Variants in MLPH observed in about 807,000 individuals in gnomAD.
MLPH encodes melanophilin.
A neutral mutation model predicts 72.1 loss-of-function variants in MLPH; 51 were observed. The ratio of observed to expected loss-of-function variants is 0.71; its 90% CI spans 0.56 to 0.89. The LOEUF is 0.89. Ranked by LOEUF, MLPH falls within the 40% of genes least tolerant of loss-of-function variation. MLPH has a pLI of 0.00. For missense variants in MLPH, 743 were observed against 759.9 expected, an observed-to-expected ratio of 0.98 and a Z score of 0.26; for synonymous variants, 301 against 310.1, an observed-to-expected ratio of 0.97 and a Z score of 0.31.
rs779636874 is a variant in MLPH, at chr2:237,510,781, C to T, written c.318C>T (p.Pro106=). The T allele has an allele frequency of 4.3e-6, 7 of 1,613,498 alleles. No homozygotes were observed. The highest frequency in any genetic ancestry group is 3.4e-4 in the Middle Eastern group (2 of 5,906). ...AGGAGCAGGGCTGGATCTGTGACCCCTGCCATCTGGCCAGGTGAGCCCAGG... is the reference window on the plus strand; with the variant it reads ...AGGAGCAGGGCTGGATCTGTGACCCTTGCCATCTGGCCAGGTGAGCCCAGG... ...HPEEQGWICD[P]CHLARVVKIG... is the part of the protein sequence containing the mutation. The change falls in exon 3 of 16, where the codon CCC becomes CCT. Residue 106 remains proline (P), a synonymous_variant. Coordinates refer to ENST00000264605, the MANE Select transcript of MLPH (RefSeq NM_024101.7). This position sits in a 1 kb window ranked among gnomAD's most constrained non-coding sequence, Gnocchi z 4.4.
At chr2:237,513,936 A>G (rs1346767142) in intron 4 of MLPH, among the ~76,000 whole-genome samples, 3 of 152,192 alleles carry the variant, frequency 2.0e-5, no homozygotes, top group Non-Finnish European at 2.9e-5. Flanking sequence ...CTGAAAAATC[A>G]TCTCGTAAAA....
intron 4 of MLPH, among the ~76,000 whole-genome samples, chr2:237,516,997 GTGGATGGATGGATGGATGGATGGA>G (rs4053461): frequency 3.8e-5 from 5 of 130,734 alleles, no homozygotes; most frequent in African/African-American, 9.3e-5. Context: ...TGGTAGGTGA[GTGGATGGATGGATGGATGGATGGA>G]TGGATGGATG....
At position 237,494,182 on chromosome 2, in the gene MLPH, G is replaced by C. The variant is rs530612073; in HGVS notation, c.110+646G>C. 2.0e-3 allele frequency among the ~76,000 whole-genome samples: 311 copies of C among 152,276 alleles called. 4 individuals are homozygous for C. Among genetic ancestry groups the C allele is most frequent in the African/African-American group, 6.7e-3 (280 of 41,546 alleles). On this transcript the variant is annotated intron_variant, in intron 2 of 15. Coordinates refer to ENST00000264605, the MANE Select transcript of MLPH (RefSeq NM_024101.7). ...AGCTGAGAGGATGCTCCCGGCGAAG[G>C]GGGGGGCAGAGAGCAGAGGACAGAG...
At chr2:237,542,903 T>G (rs1483254752) in intron 12 of MLPH, among the ~76,000 whole-genome samples, 1 of 18,146 alleles carries the variant, frequency 5.5e-5, no homozygotes, top group Non-Finnish European at 8.2e-5. Flanking sequence ...CAGTAGTGAG[T>G]GGGGGGACAG....
chr2:237,553,862 G>GACA lies in MLPH; in HGVS notation c.*272_*274dup, dbSNP rs2081085216. On this transcript the variant is annotated 3_prime_UTR_variant, in exon 16 of 16. Coordinates refer to ENST00000264605, the MANE Select transcript of MLPH (RefSeq NM_024101.7). ...CTAAGCTGCTGTGACTTCCCTTTAGGACAATGTTGTGTAAATCTTTGAAGG... is the reference window on the plus strand; with the variant it reads ...CTAAGCTGCTGTGACTTCCCTTTAGGACAACAATGTTGTGTAAATCTTTGAAGG... 1.6e-6 allele frequency: 1 copy of GACA among 644,290 alleles called. No homozygotes were observed. Among genetic ancestry groups the GACA allele is most frequent in the African/African-American group, 1.8e-5 (1 of 55,996 alleles). The allele number at this position is 644,290 out of a possible 1,614,324, so 39.9% of individuals were successfully genotyped here. A position where few individuals can be genotyped will look rare whatever the true frequency, so the allele number is the denominator to read the frequency against.
Position 237,540,869 on chromosome 2 carries a change from A to G in MLPH, c.1358A>G (p.Gln453Arg). The change falls in exon 11 of 16, where the codon CAG becomes CGG. Residue 453 changes from glutamine (Q) to arginine (R), a missense_variant. By Grantham distance (43) the Gln-to-Arg change is conservative. Coordinates refer to ENST00000264605, the MANE Select transcript of MLPH (RefSeq NM_024101.7). ...CCCCAGGACCCTGGGGACCCCGTCC[A>G]GTACAACAGGACCACAGATGAGGAG... Reference protein sequence around the residue: ...KSPQDPGDPVQYNRTTDEELS... With the variant: ...KSPQDPGDPVRYNRTTDEELS... The G allele has an allele frequency of 6.2e-7, 1 of 1,613,414 alleles. No individual in the cohort carries two copies. The highest frequency in any genetic ancestry group is 2.2e-5 in the East Asian group (1 of 44,872).
chr2:237,527,743 C>T, intron 8 of MLPH: 4 of 600,454 alleles, frequency 6.7e-6, no homozygotes, highest in East Asian at 3.1e-5. Flanking sequence ...AATTAAAAAT[C>T]GAGTTTCCAT....
rs1047107935 is a variant in MLPH at position 237,512,629 on chromosome 2, C to T, written c.445+1528C>T. Among the ~76,000 whole-genome samples, 13 of 152,136 alleles carry T rather than the reference C, an allele frequency of 8.5e-5. No individual in the cohort carries two copies. Among genetic ancestry groups the T allele is most frequent in the Admixed American group, 7.9e-4 (12 of 15,272 alleles). The stretch of plus-strand genomic sequence containing the variant: ...GCAGCAAATCCCACCTCCCCACACG[C>T]ACACGGCCAGCCTGGAGCCCACAGA... On this transcript the variant is annotated intron_variant, in intron 4 of 15. Transcript: ENST00000264605. This position sits in a 1 kb window ranked among gnomAD's most constrained non-coding sequence, Gnocchi z 5.5.
At chr2:237,524,744 A>G (rs2080265203) in intron 6 of MLPH, among the ~76,000 whole-genome samples, 1 of 151,886 alleles carries the variant, frequency 6.6e-6, no homozygotes, top group Non-Finnish European at 1.5e-5. Context: ...CAGGCAGTGA[A>G]GGTAACTATG....
intron 1 of MLPH, among the ~76,000 whole-genome samples, chr2:237,491,075 C>T (rs953307213): frequency 5.9e-5 from 9 of 152,198 alleles, no homozygotes; most frequent in Non-Finnish European, 1.2e-4. Flanking sequence ...GAAAATGTCC[C>T]TTTTCATAGT....
intron 15 of MLPH, 58 bp from the exon 16 acceptor site, chr2:237,553,507 TG>T (rs1286051798): frequency 4.7e-5 from 72 of 1,517,106 alleles, no homozygotes; most frequent in Non-Finnish European, 6.1e-5. Context: ...CATGTGTGTC[TG>T]TGTTACATGC....
At chr2:237,536,075 T>C (rs2080524860) in intron 9 of MLPH, among the ~76,000 whole-genome samples, 2 of 152,182 alleles carry the variant, frequency 1.3e-5, no homozygotes, top group Non-Finnish European at 2.9e-5. Context: ...GGACGCTCCT[T>C]GTAGCACCCT....
chr2:237,527,660 C>T, intron 8 of MLPH, 144 bp downstream of exon 8: 2 of 1,012,492 alleles, frequency 2.0e-6, no homozygotes, highest in Non-Finnish European at 2.9e-6. Flanking sequence ...GGAGATACGT[C>T]ATCACAATAT....
At chr2:237,545,342 C>T in intron 12 of MLPH, 1 of 862,716 alleles carries the variant, frequency 1.2e-6, no homozygotes, top group Non-Finnish European at 1.6e-6. Context: ...GATCCTGGGC[C>T]CCCCACCTCC....
intron 12 of MLPH, chr2:237,545,584 C>T (rs144228529): frequency 3.3e-5 from 43 of 1,287,688 alleles, no homozygotes; most frequent in South Asian, 2.0e-4. Context: ...TCCGCCGCCA[C>T]GTGAAGATGG....
At chr2:237,527,859 T>C (rs1979762) in intron 8 of MLPH, among the ~76,000 whole-genome samples, 61,536 of 151,990 alleles carry the variant, frequency 0.4, 15,519 homozygotes, top group African/African-American at 0.72. Context: ...TTTGTAATAA[T>C]CAAAAGGTGG....
chr2:237,540,203 A>G, intron 9 of MLPH, 145 bp from the exon 10 acceptor site: 1 of 891,670 alleles, frequency 1.1e-6, no homozygotes, highest in Non-Finnish European at 1.7e-6. Context: ...GGCATGTTGG[A>G]CAAGCTGGCA....
chr2:237,530,652 G>A (rs911920391), intron 8 of MLPH, among the ~76,000 whole-genome samples: 2 of 152,176 alleles, frequency 1.3e-5, no homozygotes, highest in African/African-American at 2.4e-5. Flanking sequence ...GAGCATAGCC[G>A]GGCATGAAAG....
At chr2:237,518,062 T>G in intron 4 of MLPH, 1 of 236,430 alleles carries the variant, frequency 4.2e-6, no homozygotes, top group South Asian at 4.9e-5. Context: ...GAGCCACTGA[T>G]TGATTGGGTA....
Sources: allele counts gnomAD v4.1 joint callset (sites outside exome capture counted in the v4.1 genomes callset), GRCh38; gene constraint gnomAD v4.1.1; non-coding constraint Gnocchi (gnomAD v3.1); transcripts MANE v1.5; gene names NCBI Gene and HGNC (gene_info 2026-07-23, HGNC 2026-07-21).